The following WT1 variants were observed in gnomAD, a reference collection of about 807,000 sequenced individuals.
The protein encoded by WT1 is WT1 transcription factor, also known as Wilms tumor protein.
In WT1, 8 loss-of-function variants were observed where a neutral mutation model predicts 60.8. That is an observed-to-expected ratio of 0.13 (90% confidence interval 0.08 to 0.24). The LOEUF (loss-of-function observed/expected upper bound fraction) is 0.24. Among genes scored for constraint, WT1 ranks in the 10% least tolerant of loss-of-function variants. The probability of loss-of-function intolerance (pLI) is 1.00; values close to 1 mark genes in which losing one functional copy is unlikely to be tolerated. For synonymous variants in WT1, 312 were observed against 297.1 expected (o/e 1.05, Z -0.52); for missense variants, 568 against 711.8 (o/e 0.80, Z 2.30).
chr11:32,435,133 G>C lies in WT1; in HGVS notation c.228C>G (p.Ser76=). The change falls in exon 1 of 10, where the codon TCC becomes TCG. Residue 76 remains serine, a synonymous_variant. Coordinates refer to ENST00000452863, the MANE Select transcript of WT1 (RefSeq NM_024426.6). ...GCAGCGCGTTCAGGTCCCGCACGTC[G>C]GAGCCCATTTGCTGCGGCTCAGACC... is the stretch of plus-strand genomic sequence containing the variant. 1 of 1,518,106 alleles carries C rather than the reference G, an allele frequency of 6.6e-7. No homozygotes were observed. Among genetic ancestry groups the C allele is most frequent in the Non-Finnish European group, 8.8e-7 (1 of 1,140,452 alleles). The allele number at this position is 1,518,106 out of a possible 1,614,324, so 94.0% of individuals were successfully genotyped here. A position where few individuals can be genotyped will look rare whatever the true frequency, so the allele number is the denominator to read the frequency against.
chr11:32,403,752 G>C (rs892916656), intron 5 of WT1, among the ~76,000 whole-genome samples: 14 of 151,432 alleles, frequency 9.2e-5, no homozygotes, highest in African/African-American at 3.2e-4. Flanking sequence ...TTTTTTTGTA[G>C]TTTTAGTAGA....
Position 32,388,825 on chromosome 11 carries a change from A to G in WT1, c.*233T>C. On this transcript the variant is annotated 3_prime_UTR_variant, in exon 10 of 10. Transcript: ENST00000452863. ...GCAATGGGCTTTTAACTAACCAGACATTGTTAGCTGCTTCTCCAGGGCCTG... is the reference window on the plus strand; with the variant it reads ...GCAATGGGCTTTTAACTAACCAGACGTTGTTAGCTGCTTCTCCAGGGCCTG... 1.5e-6 allele frequency: 1 copy of G among 666,428 alleles called. No homozygotes were observed. The highest frequency in any genetic ancestry group is 2.9e-5 in the East Asian group (1 of 34,650). 41.3% of individuals were successfully genotyped at this position (666,428 alleles called of 1,614,324 possible). A position where few individuals can be genotyped will look rare whatever the true frequency, so the allele number is the denominator to read the frequency against.
chr11:32,432,684 A>C (rs1853352807), intron 1 of WT1, among the ~76,000 whole-genome samples: 1 of 152,158 alleles, frequency 6.6e-6, no homozygotes, highest in African/African-American at 2.4e-5. Context: ...TGTATATTAC[A>C]GAAGAATCCA....
intron 5 of WT1, among the ~76,000 whole-genome samples, chr11:32,415,034 C>T (rs1409096198): frequency 6.6e-6 from 1 of 152,146 alleles, no homozygotes; most frequent in African/African-American, 2.4e-5. Flanking sequence ...CTTCTGCCTC[C>T]TCAGCAAGTG....
chr11:32,428,590 G>C lies in WT1; in HGVS notation c.691C>G (p.Pro231Ala), dbSNP rs766425764. The C allele has an allele frequency of 2.5e-6, 4 of 1,613,874 alleles. No individual in the cohort carries two copies. Among genetic ancestry groups the C allele is most frequent in the Non-Finnish European group, 3.4e-6 (4 of 1,180,026 alleles). The stretch of plus-strand genomic sequence containing the variant: ...TGCGAGGGCGTGTGACCGTAGCTGG[G>C]CGTCCCGTCGAAGGTGACCGTGCTG... The change falls in exon 2 of 10, where the codon CCC (proline) becomes GCC (alanine). Residue 231 changes from proline (P) to alanine (A), a missense_variant. Around this residue, in one of 3 missense-constraint regions of WT1, gnomAD observed 523 missense variants for 565.1 expected, o/e 0.93. Coordinates refer to ENST00000452863, the MANE Select transcript of WT1 (RefSeq NM_024426.6).
chr11:32,414,702 G>A (rs1252208919), intron 5 of WT1, among the ~76,000 whole-genome samples: 1 of 151,908 alleles, frequency 6.6e-6, no homozygotes, highest in Non-Finnish European at 1.5e-5. Context: ...GCGAAAACCT[G>A]TCTCTACCAA....
intron 3 of WT1, among the ~76,000 whole-genome samples, chr11:32,419,686 A>G (rs1341599500): frequency 6.6e-6 from 1 of 152,206 alleles, no homozygotes; most frequent in Admixed American, 6.5e-5. Context: ...AAGTACCCCA[A>G]AGAGAAAATA....
intron 5 of WT1, among the ~76,000 whole-genome samples, chr11:32,403,124 T>C (rs1303715990): frequency 6.6e-6 from 1 of 151,594 alleles, no homozygotes; most frequent in Non-Finnish European, 1.5e-5. Flanking sequence ...CTGCCAAATA[T>C]GCCAGTGGAT....
rs1484558172 is a variant in WT1, at chr11:32,435,284, C to T, written c.77G>A (p.Gly26Glu). ...CTCTGGCTGCTGTAGGCACCCAGGCCCGGAGCGGAGCGTGTGCTGAGACGC... is the reference window on the plus strand; with the variant it reads ...CTCTGGCTGCTGTAGGCACCCAGGCTCGGAGCGGAGCGTGTGCTGAGACGC... Residue 26 changes from glycine to glutamate, a missense_variant, in exon 1 of 10, where the codon GGG (glycine) becomes GAG (glutamate). Physicochemically the swap from Gly to Glu is moderately conservative, Grantham distance 98. This residue lies in a region of WT1 where 523 missense variants were observed against 565.1 expected (regional missense o/e 0.93). Transcript: ENST00000452863. 3 of 1,533,942 alleles carry T rather than the reference C, an allele frequency of 2.0e-6. No homozygotes were observed. The highest frequency in any genetic ancestry group is 2.6e-6 in the Non-Finnish European group (3 of 1,146,612).
chr11:32,432,077 A>G (rs1853331084), intron 1 of WT1, among the ~76,000 whole-genome samples: 1 of 152,208 alleles, frequency 6.6e-6, no homozygotes, highest in Non-Finnish European at 1.5e-5. Flanking sequence ...CAAGTAGGCG[A>G]TTGATGTTTG....
At chr11:32,432,805 G>A (rs1212006175) in intron 1 of WT1, among the ~76,000 whole-genome samples, 2 of 152,210 alleles carry the variant, frequency 1.3e-5, no homozygotes, top group Non-Finnish European at 2.9e-5. Context: ...GGCTGGACAA[G>A]GGACCCAAAC....
intron 8 of WT1, 91 bp from the exon 9 acceptor site, chr11:32,392,155 G>T: frequency 8.9e-7 from 1 of 1,124,390 alleles, no homozygotes; most frequent in Non-Finnish European, 1.4e-6. Context: ...GAGGAGCCCA[G>T]CATTTCCTGC....
intron 9 of WT1, among the ~76,000 whole-genome samples, chr11:32,391,276 C>T (rs943529014): frequency 6.6e-6 from 1 of 152,212 alleles, no homozygotes; most frequent in African/African-American, 2.4e-5. Flanking sequence ...GCCACCACAG[C>T]CGGTCCTACC....
At chr11:32,426,239 ACACACCAACT>A (rs1279454364) in intron 3 of WT1, among the ~76,000 whole-genome samples, 1 of 152,140 alleles carries the variant, frequency 6.6e-6, no homozygotes, top group Non-Finnish European at 1.5e-5. Flanking sequence ...GCCTAGTGTG[ACACACCAACT>A]GAGTCCACAG....
intron 9 of WT1, among the ~76,000 whole-genome samples, chr11:32,389,425 A>G (rs1258641736): frequency 6.6e-6 from 1 of 152,254 alleles, no homozygotes; most frequent in African/African-American, 2.4e-5. Context: ...AGTGGGAGAT[A>G]AAGAATGAGT....
intron 6 of WT1, among the ~76,000 whole-genome samples, chr11:32,399,209 G>A (rs1761257250): frequency 6.6e-6 from 1 of 151,002 alleles, no homozygotes. Flanking sequence ...ATTGGGAAGA[G>A]AAGAAGAGGG....
intron 3 of WT1, among the ~76,000 whole-genome samples, chr11:32,418,752 G>C (rs1455071165): frequency 6.6e-6 from 1 of 152,186 alleles, no homozygotes; most frequent in Non-Finnish European, 1.5e-5. Context: ...TTGAGGAGGG[G>C]AGAGGGAAAT....
chr11:32,393,394 G>A (rs1162845723), intron 7 of WT1, among the ~76,000 whole-genome samples: 1 of 152,212 alleles, frequency 6.6e-6, no homozygotes, highest in Non-Finnish European at 1.5e-5. Context: ...GTCTCAGAAT[G>A]GAGAAGCCTC....
chr11:32,396,535 C>T, intron 6 of WT1, 128 bp from the exon 7 acceptor site: 1 of 1,169,112 alleles, frequency 8.6e-7, no homozygotes, highest in Non-Finnish European at 1.2e-6. Context: ...AAAACCACTC[C>T]CATTCACACT....
Sources: gnomAD v4.1 joint callset for allele counts (sites outside exome capture counted in the v4.1 genomes callset) on GRCh38, gnomAD v4.1.1 for gene constraint, gnomAD v4.1.1 regional missense constraint, MANE v1.5 for transcripts, NCBI Gene and HGNC (gene_info 2026-07-23, HGNC 2026-07-21) for gene names.